Variants in FOXN3 observed in about 807,000 individuals in gnomAD.
FOXN3 encodes forkhead box protein N3.
In FOXN3, 7 loss-of-function variants were observed where a neutral mutation model predicts 38.4. That is an observed-to-expected ratio of 0.18 (90% CI 0.10 to 0.34). The LOEUF is 0.34. Ranked by LOEUF, FOXN3 falls within the 10% of genes least tolerant of loss-of-function variation. The pLI is 1.00. For synonymous variants in FOXN3, 230 were observed against 242.2 expected (o/e 0.95, Z 0.47); for missense variants, 456 against 613.4 (o/e 0.74, Z 2.71).
intron 1 of FOXN3, among the ~76,000 whole-genome samples, chr14:89,607,009 AT>A (rs1253709274): frequency 6.6e-6 from 1 of 152,256 alleles, no homozygotes; most frequent in African/African-American, 2.4e-5. Context: ...GCGTAAGCTT[AT>A]TAATAACCAA....
intron 3 of FOXN3, among the ~76,000 whole-genome samples, chr14:89,302,445 T>C (rs1256706093): frequency 1.3e-5 from 2 of 152,208 alleles, no homozygotes; most frequent in Non-Finnish European, 2.9e-5. Flanking sequence ...TTTGTTTTGT[T>C]CTGTGCTTCC....
chr14:89,275,951 A>G (rs1016348872), intron 4 of FOXN3, among the ~76,000 whole-genome samples: 1 of 152,190 alleles, frequency 6.6e-6, no homozygotes, highest in African/African-American at 2.4e-5. Context: ...AAGTCCTTCC[A>G]TTACATTAGC....
Position 89,350,781 on chromosome 14 carries a change from T to C in FOXN3, c.571A>G (p.Ile191Val). 1 of 1,585,312 alleles carries C rather than the reference T, an allele frequency of 6.3e-7. No homozygotes were observed. Among genetic ancestry groups the C allele is most frequent in the Non-Finnish European group, 8.5e-7 (1 of 1,170,030 alleles). The change falls in exon 3 of 6, where the codon ATA (isoleucine) becomes GTA (valine). Residue 191 changes from isoleucine to valine, a missense_variant. Physicochemically the swap from Ile to Val is conservative, Grantham distance 29 (BLOSUM62 3). Transcript: ENST00000557258. ...AGATTTTGTCTATACTCTGGGTCTA[T>C]GCACCACAACGACCCTTTCCCAATA... Reference protein sequence around the residue: ...QSIGKGSLWCIDPEYRQNLIQ... With the variant: ...QSIGKGSLWCVDPEYRQNLIQ...
At chr14:89,541,827 G>A (rs1165247922) in intron 1 of FOXN3, among the ~76,000 whole-genome samples, 1 of 152,090 alleles carries the variant, frequency 6.6e-6, no homozygotes, top group African/African-American at 2.4e-5. Flanking sequence ...ACATCCTTGA[G>A]CAAACTTTTT....
chr14:89,336,216 CTCCATCCATCCA>C (rs71130057), intron 3 of FOXN3, among the ~76,000 whole-genome samples: 1 of 143,160 alleles, frequency 7.0e-6, no homozygotes, highest in East Asian at 2.1e-4. Context: ...CTAACGGTGC[CTCCATCCATCCA>C]TCCATCCATC....
intron 4 of FOXN3, among the ~76,000 whole-genome samples, chr14:89,275,202 A>C (rs4899974): frequency 0.99 from 150,668 of 152,244 alleles, 74,566 homozygotes; most frequent in Middle Eastern, 1. Context: ...CTAAGATCCA[A>C]AGGACCTTGG....
intron 1 of FOXN3, among the ~76,000 whole-genome samples, chr14:89,553,783 G>A (rs1227318297): frequency 6.6e-6 from 1 of 152,218 alleles, no homozygotes; most frequent in Non-Finnish European, 1.5e-5. Flanking sequence ...CAAGGGGAAA[G>A]CGCAGTCAGG....
chr14:89,383,900 G>A (rs1346919497), intron 2 of FOXN3, among the ~76,000 whole-genome samples: 1 of 150,584 alleles, frequency 6.6e-6, no homozygotes, highest in Non-Finnish European at 1.5e-5. Flanking sequence ...AGCAATTTTT[G>A]TGCCTCGGCC....
intron 4 of FOXN3, among the ~76,000 whole-genome samples, chr14:89,198,174 C>T (rs1356693461): frequency 1.3e-5 from 2 of 152,186 alleles, no homozygotes; most frequent in African/African-American, 4.8e-5. Flanking sequence ...ATGGCCGCGT[C>T]TGTACTGAAC....
At chr14:89,614,508 C>CT (rs1395447710) in intron 1 of FOXN3, among the ~76,000 whole-genome samples, 3 of 152,154 alleles carry the variant, frequency 2.0e-5, no homozygotes, top group Non-Finnish European at 4.4e-5. Flanking sequence ...CACCTTTTTC[C>CT]TGCTCACTAT....
intron 1 of FOXN3, among the ~76,000 whole-genome samples, chr14:89,553,238 C>CAAA (rs146581490): frequency 5.1e-5 from 4 of 79,022 alleles, no homozygotes; most frequent in African/African-American, 1.4e-4. Flanking sequence ...GACCCTGTCC[C>CAAA]AAAAAAAAAA....
chr14:89,614,374 C>T (rs1282976654), intron 1 of FOXN3, among the ~76,000 whole-genome samples: 2 of 152,148 alleles, frequency 1.3e-5, no homozygotes, highest in African/African-American at 4.8e-5. Context: ...TATAAGTAAC[C>T]CCTAAAAATA....
At chr14:89,246,571 C>T (rs1168852496) in intron 4 of FOXN3, among the ~76,000 whole-genome samples, 2 of 84,184 alleles carry the variant, frequency 2.4e-5, no homozygotes, top group Non-Finnish European at 4.5e-5. Context: ...GAGACAGTCT[C>T]ACTCTGTTGC....
chr14:89,371,096 T>C (rs1452861261), intron 2 of FOXN3, among the ~76,000 whole-genome samples: 4 of 152,164 alleles, frequency 2.6e-5, no homozygotes, highest in Non-Finnish European at 5.9e-5. Flanking sequence ...TTTATTTTTT[T>C]TAAGGGTTCA....
chr14:89,515,086 CT>C (rs200295845), intron 1 of FOXN3, among the ~76,000 whole-genome samples: 1 of 151,788 alleles, frequency 6.6e-6, no homozygotes, highest in Non-Finnish European at 1.5e-5. Context: ...CGTCCAGCTA[CT>C]TTTTTTTGTA....
chr14:89,191,571 T>A (rs1030154701), intron 4 of FOXN3, among the ~76,000 whole-genome samples: 1 of 152,232 alleles, frequency 6.6e-6, no homozygotes, highest in Non-Finnish European at 1.5e-5. Context: ...TTGCTACTAA[T>A]GGCTCCATGG....
chr14:89,413,200 G>A (rs948463490), intron 1 of FOXN3, among the ~76,000 whole-genome samples: 1 of 152,080 alleles, frequency 6.6e-6, no homozygotes, highest in African/African-American at 2.4e-5. Context: ...AGCACCCAAC[G>A]TAACACAGAA....
At chr14:89,310,282 G>C (rs1887497370) in intron 3 of FOXN3, among the ~76,000 whole-genome samples, 1 of 152,178 alleles carries the variant, frequency 6.6e-6, no homozygotes, top group African/African-American at 2.4e-5. Flanking sequence ...ACTCACAGGG[G>C]GTCGGGCAGC....
chr14:89,213,095 A>G (rs1314667521), intron 4 of FOXN3, among the ~76,000 whole-genome samples: 7 of 152,140 alleles, frequency 4.6e-5, no homozygotes, highest in African/African-American at 7.2e-5. Flanking sequence ...TCCCCGTCCA[A>G]CATCCTTCCC....
Sources: gnomAD v4.1 joint callset for allele counts (sites outside exome capture counted in the v4.1 genomes callset) on GRCh38, gnomAD v4.1.1 for gene constraint, MANE v1.5 for transcripts, NCBI Gene and HGNC (gene_info 2026-07-23, HGNC 2026-07-21) for gene names.